The following TMEM65 variants were observed in gnomAD, a reference collection of about 807,000 sequenced individuals.
The protein encoded by TMEM65 is transmembrane protein 65.
TMEM65 carries 22 observed loss-of-function variants against 25.4 expected under a neutral mutation model. That is an observed-to-expected ratio of 0.86 (90% CI 0.62 to 1.23). The LOEUF is 1.23. Among genes scored for constraint, TMEM65 ranks in the 50% most tolerant of loss-of-function variants. The pLI is 0.00. For synonymous variants in TMEM65, 132 were observed against 126.2 expected, an observed-to-expected ratio of 1.05 and a Z score of -0.31; for missense variants, 262 against 308.2, an observed-to-expected ratio of 0.85 and a Z score of 1.12.
chr8:124,335,516 A>G (rs146013652), intron 1 of TMEM65, among the ~76,000 whole-genome samples: 1 of 152,132 alleles, frequency 6.6e-6, no homozygotes, highest in Non-Finnish European at 1.5e-5. Flanking sequence ...AAATTGTAAC[A>G]CTGTCTTATA....
chr8:124,345,084 A>T (rs1814626763), intron 1 of TMEM65, among the ~76,000 whole-genome samples: 1 of 152,194 alleles, frequency 6.6e-6, no homozygotes, highest in Non-Finnish European at 1.5e-5. Flanking sequence ...CTGCAATCTA[A>T]TTTCATATGT....
chr8:124,316,422 GT>G (rs1814237879), intron 6 of TMEM65, among the ~76,000 whole-genome samples: 3 of 152,192 alleles, frequency 2.0e-5, no homozygotes, highest in Admixed American at 6.5e-5. Flanking sequence ...AAATTTCAGA[GT>G]TAGCTTTTGT....
At chr8:124,359,869 T>G (rs1017200669) in intron 1 of TMEM65, among the ~76,000 whole-genome samples, 1 of 152,320 alleles carries the variant, frequency 6.6e-6, no homozygotes, top group South Asian at 2.1e-4. Context: ...AAGAAAGCTA[T>G]CCTAGATAAA....
rs544876399 is a variant in TMEM65 at position 124,338,090 on chromosome 8, C to T, written c.305-7298G>A. On this transcript the variant is annotated intron_variant, in intron 1 of 6. Transcript: ENST00000297632. ...AGTTTATCAGAAATAAATGTTTTGA[C>T]GTATTGTCCTTCAATCTTTTTCCTA... 6.6e-5 allele frequency among the ~76,000 whole-genome samples: 10 copies of T among 152,026 alleles called. No individual in the cohort carries two copies. The East Asian group carries it at 7.7e-4, about 12-fold the overall frequency.
At chr8:124,338,915 G>T (rs975698696) in intron 1 of TMEM65, among the ~76,000 whole-genome samples, 4 of 151,986 alleles carry the variant, frequency 2.6e-5, no homozygotes, top group Admixed American at 2.6e-4. Context: ...TCTTGGCCAG[G>T]CCTGGTGGCT....
At chr8:124,318,179 T>C (rs1814260366) in intron 6 of TMEM65, among the ~76,000 whole-genome samples, 1 of 151,830 alleles carries the variant, frequency 6.6e-6, no homozygotes, top group Non-Finnish European at 1.5e-5. Flanking sequence ...AAAAAATTAA[T>C]TTTGCCAAAG....
chr8:124,335,953 A>C (rs1021279437), intron 1 of TMEM65, among the ~76,000 whole-genome samples: 1 of 152,050 alleles, frequency 6.6e-6, no homozygotes, highest in Non-Finnish European at 1.5e-5. Context: ...AAAAACGAAC[A>C]AAAAAAGTAA....
intron 1 of TMEM65, among the ~76,000 whole-genome samples, chr8:124,351,310 T>C (rs1206433728): frequency 1.3e-5 from 2 of 152,128 alleles, no homozygotes; most frequent in African/African-American, 4.8e-5. Flanking sequence ...TAGTAACAGA[T>C]GGGAAAAGTT....
chr8:124,338,303 T>A (rs926927141), intron 1 of TMEM65, among the ~76,000 whole-genome samples: 12 of 152,120 alleles, frequency 7.9e-5, no homozygotes, highest in Non-Finnish European at 1.6e-4. Flanking sequence ...TAACATTAAT[T>A]TGTACCTAAA....
At chr8:124,340,569 G>A (rs1415820090) in intron 1 of TMEM65, among the ~76,000 whole-genome samples, 2 of 152,072 alleles carry the variant, frequency 1.3e-5, no homozygotes, top group Non-Finnish European at 2.9e-5. Context: ...TCCTACCTAG[G>A]TTTACTGGTG....
rs769708642 is a variant in TMEM65 at position 124,323,391 on chromosome 8, A to G, written c.418-16T>C. On this transcript the variant is annotated splice_polypyrimidine_tract_variant and intron_variant, in intron 3 of 6. Coordinates refer to ENST00000297632, the MANE Select transcript of TMEM65 (RefSeq NM_194291.3). Reference sequence around the variant, plus strand: ...TATGGGTTCCCTGAAATATGATAAAAAATTAATCTTAAAAATTAAAGCTGA... The same window carrying G: ...TATGGGTTCCCTGAAATATGATAAAGAATTAATCTTAAAAATTAAAGCTGA... 7.9e-6 allele frequency: 11 copies of G among 1,400,566 alleles called. No individual in the cohort carries two copies. The South Asian group carries it at 1.3e-4, about 16-fold the overall frequency. The allele number at this position is 1,400,566 out of a possible 1,614,324, so 86.8% of individuals were successfully genotyped here.
intron 1 of TMEM65, among the ~76,000 whole-genome samples, chr8:124,366,128 A>C (rs906871876): frequency 1.3e-5 from 2 of 152,198 alleles, no homozygotes. Context: ...AGGCTGAAGC[A>C]GGAGAATCGC....
intron 1 of TMEM65, among the ~76,000 whole-genome samples, chr8:124,358,066 G>A (rs967593626): frequency 1.1e-4 from 16 of 152,074 alleles, no homozygotes; most frequent in South Asian, 6.2e-4. Flanking sequence ...CTGACTTCAG[G>A]TGATCCATCC....
chr8:124,338,271 T>A (rs72711175), intron 1 of TMEM65, among the ~76,000 whole-genome samples: 3,584 of 152,208 alleles, frequency 0.024, 55 homozygotes, highest in Non-Finnish European at 0.036. Context: ...ATTAGATATT[T>A]GTTACTTTTC....
At chr8:124,371,783 G>T (rs1586478679) in intron 1 of TMEM65, 71 bp downstream of exon 1, 1 of 1,418,884 alleles carries the variant, frequency 7.0e-7, no homozygotes, top group Non-Finnish European at 9.3e-7. Flanking sequence ...GCCGCAGCGG[G>T]CTCCCGGTGG....
chr8:124,338,782 A>G (rs148286171), intron 1 of TMEM65, among the ~76,000 whole-genome samples: 35 of 152,312 alleles, frequency 2.3e-4, no homozygotes, highest in Non-Finnish European at 4.1e-4. Context: ...TGCCTGATAT[A>G]TTTCTTTTTT....
intron 2 of TMEM65, 33 bp from the exon 3 acceptor site, chr8:124,327,454 T>C (rs759105308): frequency 7.1e-7 from 1 of 1,402,834 alleles, no homozygotes; most frequent in Admixed American, 2.0e-5. Context: ...AAATATATTT[T>C]AAGATTTCTA....
chr8:124,329,942 T>G (rs1814411558), intron 2 of TMEM65, among the ~76,000 whole-genome samples: 2 of 151,928 alleles, frequency 1.3e-5, no homozygotes, highest in African/African-American at 4.8e-5. Flanking sequence ...TGAGGAAAGT[T>G]ACTAATCTCT....
intron 1 of TMEM65, among the ~76,000 whole-genome samples, chr8:124,359,437 T>C (rs1814831444): frequency 6.6e-6 from 1 of 152,170 alleles, no homozygotes; most frequent in Non-Finnish European, 1.5e-5. Flanking sequence ...CTAAAAAAGA[T>C]TTCAACATTT....
Sources: gnomAD v4.1 joint callset for allele counts (sites outside exome capture counted in the v4.1 genomes callset) on GRCh38, gnomAD v4.1.1 for gene constraint, MANE v1.5 for transcripts, NCBI Gene and HGNC (gene_info 2026-07-23, HGNC 2026-07-21) for gene names.